PPP6R3: variants seen among roughly 807,000 people sequenced by gnomAD.
PPP6R3 encodes the protein serine/threonine-protein phosphatase 6 regulatory subunit 3.
A neutral mutation model predicts 110.7 loss-of-function variants in PPP6R3; 38 were observed. The ratio of observed to expected loss-of-function variants is 0.34; its 90% CI spans 0.26 to 0.45. The LOEUF is 0.45. Ranked by LOEUF, PPP6R3 falls within the 20% of genes least tolerant of loss-of-function variation. The pLI, the probability that PPP6R3 is intolerant of heterozygous loss-of-function variation, is 1.00. For synonymous variants in PPP6R3, 369 were observed against 373.5 expected (o/e 0.99, Z 0.14); for missense variants, 870 against 1,062.4 (o/e 0.82, Z 2.52).
At chr11:68,525,070 G>A (rs1305245801) in intron 2 of PPP6R3, among the ~76,000 whole-genome samples, 1 of 152,208 alleles carries the variant, frequency 6.6e-6, no homozygotes, top group African/African-American at 2.4e-5. Context: ...TAGGAAAAGT[G>A]CACACTTTGG....
chr11:68,475,939 C>T (rs76774073), intron 1 of PPP6R3, among the ~76,000 whole-genome samples: 59 of 150,718 alleles, frequency 3.9e-4, no homozygotes, highest in East Asian at 1.8e-3. Flanking sequence ...ACTTCCTAGA[C>T]GGGATGGCGG....
chr11:68,549,256 A>G (rs1435832740), intron 5 of PPP6R3, among the ~76,000 whole-genome samples: 1 of 152,176 alleles, frequency 6.6e-6, no homozygotes, highest in Non-Finnish European at 1.5e-5. Context: ...CGTCTTTAAT[A>G]CTAACCTGCA....
chr11:68,486,686 T>C (rs1363995939), intron 1 of PPP6R3, among the ~76,000 whole-genome samples: 1 of 152,102 alleles, frequency 6.6e-6, no homozygotes, highest in Non-Finnish European at 1.5e-5. Flanking sequence ...TATTATTTTT[T>C]CCTTAAATAT....
At position 68,588,289 on chromosome 11, in the gene PPP6R3, A is replaced by G. The variant is rs538666900; in HGVS notation, c.1730+265A>G. On this transcript the variant is annotated intron_variant, in intron 16 of 23. Coordinates refer to ENST00000393800, the MANE Select transcript of PPP6R3 (RefSeq NM_001164161.2). ...TGAGGCAGGCGGATCACTTGAGGTC[A>G]GGAGTTCGAGACCAGCCTGGCCAAC... Among the ~76,000 whole-genome samples the G allele has an allele frequency of 2.6e-5, 4 of 152,170 alleles. No individual in the cohort carries two copies. The South Asian group carries it at 6.2e-4, about 24-fold the overall frequency.
At chr11:68,602,957 C>T (rs2099636188) in intron 21 of PPP6R3, among the ~76,000 whole-genome samples, 1 of 152,102 alleles carries the variant, frequency 6.6e-6, no homozygotes, top group Non-Finnish European at 1.5e-5. Flanking sequence ...TAAAACAAAG[C>T]AAAGCAAATA....
intron 1 of PPP6R3, among the ~76,000 whole-genome samples, chr11:68,475,471 C>T (rs2098822162): frequency 6.6e-6 from 1 of 152,244 alleles, no homozygotes; most frequent in Admixed American, 6.5e-5. Flanking sequence ...AGGGGCTTCT[C>T]ACTTCCCAGA....
chr11:68,601,941 T>C lies in PPP6R3; in HGVS notation c.2271T>C (p.Ser757=). 6.2e-7 allele frequency: 1 copy of C among 1,613,170 alleles called. No individual in the cohort carries two copies. The highest frequency in any genetic ancestry group is 8.5e-7 in the Non-Finnish European group (1 of 1,179,624). The change falls in exon 21 of 24, where the codon AGT becomes AGC. Residue 757 remains serine (S), a synonymous_variant. Coordinates refer to ENST00000393800, the MANE Select transcript of PPP6R3 (RefSeq NM_001164161.2). ...AACCCATGGACCCTCTGACTCCCAG[T>C]GCGGCTGCCCTGGCAGTGCAGCCAG... ...STEPMDPLTP[S]AAALAVQPEA...
intron 15 of PPP6R3, chr11:68,587,391 A>G (rs2153836491): frequency 6.4e-6 from 1 of 156,898 alleles, no homozygotes; most frequent in East Asian, 1.9e-4. Context: ...TCTAAGACTT[A>G]ATTTTTTTAA....
At chr11:68,463,139 C>T (rs1454359569) in intron 1 of PPP6R3, among the ~76,000 whole-genome samples, 6 of 151,890 alleles carry the variant, frequency 4.0e-5, no homozygotes, top group African/African-American at 1.5e-4. Flanking sequence ...TTTGGGAGGC[C>T]GAGGCTGGCG....
At chr11:68,522,298 A>G (rs550977154) in intron 2 of PPP6R3, among the ~76,000 whole-genome samples, 8 of 152,252 alleles carry the variant, frequency 5.3e-5, no homozygotes, top group Non-Finnish European at 8.8e-5. Context: ...GCCAATCTGT[A>G]TGAGAATGGA....
At chr11:68,603,739 C>T (rs2099638861) in intron 22 of PPP6R3, among the ~76,000 whole-genome samples, 2 of 152,272 alleles carry the variant, frequency 1.3e-5, no homozygotes, top group South Asian at 4.1e-4. Context: ...TTTGATAGAA[C>T]TATGAGAATT....
intron 6 of PPP6R3, 109 bp from the exon 7 acceptor site, chr11:68,554,036 A>C: frequency 3.9e-4 from 272 of 696,738 alleles, no homozygotes; most frequent in Non-Finnish European, 5.0e-4. Flanking sequence ...ACTGAAGCTT[A>C]TGGCCAGTGT....
intron 2 of PPP6R3, among the ~76,000 whole-genome samples, chr11:68,533,965 T>G (rs1385984900): frequency 6.6e-6 from 1 of 152,096 alleles, no homozygotes; most frequent in Non-Finnish European, 1.5e-5. Flanking sequence ...TTCTTCCATA[T>G]AGTGATTTGG....
At chr11:68,543,309 T>C (rs948301284) in intron 3 of PPP6R3, among the ~76,000 whole-genome samples, 1 of 152,138 alleles carries the variant, frequency 6.6e-6, no homozygotes, top group Non-Finnish European at 1.5e-5. Flanking sequence ...ATGGGTACTT[T>C]ACAGGGGTTT....
intron 1 of PPP6R3, among the ~76,000 whole-genome samples, chr11:68,469,296 T>C (rs1446993600): frequency 6.6e-6 from 1 of 152,180 alleles, no homozygotes; most frequent in African/African-American, 2.4e-5. Flanking sequence ...CTAATCTGTT[T>C]TGTCTTTGTT....
At chr11:68,594,314 G>C (rs1462503830) in intron 18 of PPP6R3, among the ~76,000 whole-genome samples, 1 of 147,928 alleles carries the variant, frequency 6.8e-6, no homozygotes, top group Non-Finnish European at 1.5e-5. Context: ...GAGAGAGAGA[G>C]AGAGAAAAAG....
chr11:68,522,616 G>A lies in PPP6R3; in HGVS notation c.-7+2965G>A, dbSNP rs538739349. 4 of 152,356 alleles carry A rather than the reference G, an allele frequency of 2.6e-5. No homozygotes were observed. The South Asian group carries it at 8.3e-4, about 32-fold the overall frequency. The allele number at this position is 152,356 out of a possible 1,614,324, so 9.4% of individuals were successfully genotyped here. ...TGAGTGCATGAAGTTTACTGTTGGT[G>A]CTACTGGTTCAGTAACAGGTGATGG... On this transcript the variant is annotated intron_variant, in intron 2 of 23. Transcript: ENST00000393800.
intron 19 of PPP6R3, among the ~76,000 whole-genome samples, chr11:68,600,082 A>G (rs1219927971): frequency 1.3e-5 from 2 of 152,112 alleles, no homozygotes; most frequent in Admixed American, 6.6e-5. Flanking sequence ...AGATCGTGCC[A>G]CTGCACTCCA....
chr11:68,537,372 T>G (rs2099276364), intron 2 of PPP6R3, among the ~76,000 whole-genome samples: 1 of 152,220 alleles, frequency 6.6e-6, no homozygotes, highest in Non-Finnish European at 1.5e-5. Context: ...GCATCACTTC[T>G]TAATAGTATG....
Sources: gnomAD v4.1 joint callset for allele counts (sites outside exome capture counted in the v4.1 genomes callset) on GRCh38, gnomAD v4.1.1 for gene constraint, MANE v1.5 for transcripts, NCBI Gene and HGNC (gene_info 2026-07-23, HGNC 2026-07-21) for gene names.